The following NRG1 variants were observed in gnomAD, a reference collection of about 807,000 sequenced individuals.
NRG1 encodes the protein neuregulin 1.
A neutral mutation model predicts 63.8 loss-of-function variants in NRG1; 18 were observed. The observed-to-expected ratio is 0.28, with a 90% CI of 0.19 to 0.42. The LOEUF (loss-of-function observed/expected upper bound fraction) is 0.42. Ranked by LOEUF, NRG1 falls within the 10% of genes least tolerant of loss-of-function variation. The pLI, the probability that NRG1 is intolerant of heterozygous loss-of-function variation, is 1.00. For missense variants in NRG1, 762 were observed against 814.7 expected (o/e 0.94, Z 0.79); for synonymous variants, 302 against 301.3 (o/e 1.00, Z -0.02).
chr8:32,716,004 G>T (rs1819119779), intron 5 of NRG1, among the ~76,000 whole-genome samples: 1 of 152,158 alleles, frequency 6.6e-6, no homozygotes, highest in South Asian at 2.1e-4. Context: ...GCAAGGTCTT[G>T]TTTTCCTGGT....
chr8:32,661,138 G>A (rs1014088585), intron 5 of NRG1, among the ~76,000 whole-genome samples: 2 of 152,204 alleles, frequency 1.3e-5, no homozygotes, highest in African/African-American at 4.8e-5. Context: ...TAAAAATGCT[G>A]CCCTCTCTGG....
At chr8:32,508,681 CTATT>C (rs762852323) in intron 1 of NRG1, among the ~76,000 whole-genome samples, 31 of 152,148 alleles carry the variant, frequency 2.0e-4, no homozygotes, top group South Asian at 1.5e-3. Context: ...GAAACCTACA[CTATT>C]TATTTTTTAT....
intron 1 of NRG1, among the ~76,000 whole-genome samples, chr8:32,526,544 A>G (rs1487456120): frequency 2.6e-5 from 4 of 152,168 alleles, no homozygotes; most frequent in African/African-American, 9.7e-5. Context: ...ATTAGAGGCT[A>G]TTTTAGTCTG....
At chr8:32,202,781 C>A (rs1362281158) in intron 1 of NRG1, among the ~76,000 whole-genome samples, 1 of 151,354 alleles carries the variant, frequency 6.6e-6, no homozygotes, top group Admixed American at 6.6e-5. Flanking sequence ...TCTCTTCCCT[C>A]CTCTGCTGCA....
chr8:32,004,036 G>C (rs1215482325), intron 1 of NRG1, among the ~76,000 whole-genome samples: 1 of 151,850 alleles, frequency 6.6e-6, no homozygotes, highest in Non-Finnish European at 1.5e-5. Flanking sequence ...CCATAAAATG[G>C]AATATTATTC....
chr8:31,660,642 T>G (rs1338159932), intron 1 of NRG1, among the ~76,000 whole-genome samples: 1 of 152,242 alleles, frequency 6.6e-6, no homozygotes, highest in Non-Finnish European at 1.5e-5. Context: ...CTAAAGAAAT[T>G]GACTAAATGG....
chr8:31,681,799 C>A (rs918118475), intron 1 of NRG1, among the ~76,000 whole-genome samples: 2 of 151,506 alleles, frequency 1.3e-5, no homozygotes, highest in East Asian at 3.9e-4. Flanking sequence ...TTTTAGTAGA[C>A]TACTTTTAGA....
At chr8:32,568,962 GAAA>G (rs58218932) in intron 1 of NRG1, among the ~76,000 whole-genome samples, 2 of 146,756 alleles carry the variant, frequency 1.4e-5, no homozygotes, top group Non-Finnish European at 1.5e-5. Flanking sequence ...CCTTGAAATG[GAAA>G]AAAAAAAAAA....
chr8:32,402,767 A>AT (rs1813388705), intron 1 of NRG1, among the ~76,000 whole-genome samples: 1 of 152,206 alleles, frequency 6.6e-6, no homozygotes, highest in Non-Finnish European at 1.5e-5. Context: ...AAAACATTGA[A>AT]TGCTGAAGTT....
At chr8:31,674,391 A>G (rs1324435266) in intron 1 of NRG1, among the ~76,000 whole-genome samples, 1 of 152,154 alleles carries the variant, frequency 6.6e-6, no homozygotes, top group Non-Finnish European at 1.5e-5. Context: ...ATCCTTGCCA[A>G]TACTTATTAT....
intron 1 of NRG1, among the ~76,000 whole-genome samples, chr8:32,154,862 G>T (rs1201927690): frequency 6.6e-6 from 1 of 152,190 alleles, no homozygotes; most frequent in Non-Finnish European, 1.5e-5. Flanking sequence ...ATACTTGGAT[G>T]TTGGGGGAAT....
At chr8:31,995,167 T>A (rs1399660852) in intron 1 of NRG1, among the ~76,000 whole-genome samples, 6 of 152,102 alleles carry the variant, frequency 3.9e-5, no homozygotes, top group Admixed American at 2.6e-4. Flanking sequence ...TGTCCTCAGC[T>A]TTTTTATAGA....
intron 1 of NRG1, among the ~76,000 whole-genome samples, chr8:32,537,210 A>T (rs995628378): frequency 6.7e-6 from 1 of 149,594 alleles, no homozygotes; most frequent in African/African-American, 2.5e-5. Flanking sequence ...AAAAAAAAAA[A>T]AAAAAAAAAA....
At chr8:32,711,056 T>G (rs182168304) in intron 5 of NRG1, among the ~76,000 whole-genome samples, 246 of 152,272 alleles carry the variant, frequency 1.6e-3, no homozygotes, top group African/African-American at 5.6e-3. Context: ...CTAATGGCCT[T>G]GTTTGTTTTT....
At chr8:31,815,781 G>C (rs565943722) in intron 1 of NRG1, among the ~76,000 whole-genome samples, 76 of 151,674 alleles carry the variant, frequency 5.0e-4, no homozygotes, top group Non-Finnish European at 9.7e-4. Flanking sequence ...AGTAATTGTG[G>C]TTTTTGCCAT....
At chr8:32,240,762 G>A (rs976272499) in intron 1 of NRG1, among the ~76,000 whole-genome samples, 1 of 151,856 alleles carries the variant, frequency 6.6e-6, no homozygotes, top group Non-Finnish European at 1.5e-5. Flanking sequence ...AGAATTTCCT[G>A]TCAATCCATA....
chr8:31,909,702 C>A (rs1352339857), intron 1 of NRG1, among the ~76,000 whole-genome samples: 2 of 152,112 alleles, frequency 1.3e-5, no homozygotes, highest in Non-Finnish European at 2.9e-5. Flanking sequence ...AGACCTGTGG[C>A]TAACAAAGGA....
At chr8:32,269,087 C>T (rs888729450) in intron 1 of NRG1, among the ~76,000 whole-genome samples, 3 of 152,064 alleles carry the variant, frequency 2.0e-5, no homozygotes, top group Non-Finnish European at 2.9e-5. Flanking sequence ...TCTCTCCCTC[C>T]CTCCTTCCCT....
chr8:31,825,928 G>A (rs138265082), intron 1 of NRG1, among the ~76,000 whole-genome samples: 125 of 152,240 alleles, frequency 8.2e-4, no homozygotes, highest in African/African-American at 2.8e-3. Flanking sequence ...CGGAGACAGG[G>A]CCTCTTTGAA....
Sources: allele counts gnomAD v4.1 joint callset (sites outside exome capture counted in the v4.1 genomes callset), GRCh38; gene constraint gnomAD v4.1.1; transcripts MANE v1.5; gene names NCBI Gene and HGNC (gene_info 2026-07-23, HGNC 2026-07-21).